NRCAM: variants seen among roughly 807,000 people sequenced by gnomAD.
NRCAM encodes the protein NgCAM-related cell adhesion molecule.
Under a neutral mutation model 156.5 loss-of-function variants are expected in NRCAM, and 83 were observed. The ratio of observed to expected loss-of-function variants is 0.53; its 90% CI spans 0.44 to 0.64. The LOEUF (loss-of-function observed/expected upper bound fraction) is 0.64, where lower values mean the gene tolerates loss of function less well. NRCAM is among the 30% of genes least tolerant of loss of function. The probability of loss-of-function intolerance (pLI) is 0.00; values close to 1 mark genes in which losing one functional copy is unlikely to be tolerated. For missense variants in NRCAM, 1,417 were observed against 1,597.3 expected, an observed-to-expected ratio of 0.89 and a Z score of 1.92; for synonymous variants, 538 against 563.9, an observed-to-expected ratio of 0.95 and a Z score of 0.65.
In NRCAM at chr7:108,195,864, G is replaced by A; in HGVS notation, c.1360C>T (p.Pro454Ser). 6.2e-7 allele frequency: 1 copy of A among 1,603,608 alleles called. No homozygotes were observed. Among genetic ancestry groups the A allele is most frequent in the Non-Finnish European group, 8.5e-7 (1 of 1,170,774 alleles). Residue 454 changes from proline (P) to serine (S), a missense_variant, in exon 15 of 33, where the codon CCA becomes TCA. Coordinates refer to ENST00000379028, the MANE Select transcript of NRCAM (RefSeq NM_001037132.4). The part of the protein sequence containing the change: ...NAFVNVLAEP[P>S]RILTPANTLY... ...GTGTTTGCAGGTGTGAGGATTCGTG[G>A]TGGCTCAGCTACAAATATTTTTAAA...
chr7:108,391,410 TG>T (rs1397395866), intron 2 of NRCAM, among the ~76,000 whole-genome samples: 2 of 152,170 alleles, frequency 1.3e-5, no homozygotes, highest in African/African-American at 2.4e-5. Context: ...GCTTTTTTTT[TG>T]TTTTCCATTT....
chr7:108,323,987 G>A (rs1326674425), intron 2 of NRCAM, among the ~76,000 whole-genome samples: 5 of 151,980 alleles, frequency 3.3e-5, no homozygotes, highest in Admixed American at 2.0e-4. Context: ...ACAGCAAGGC[G>A]GCCAGGTGGC....
At chr7:108,223,241 G>T (rs1484141939) in intron 11 of NRCAM, among the ~76,000 whole-genome samples, 1 of 152,144 alleles carries the variant, frequency 6.6e-6, no homozygotes, top group Non-Finnish European at 1.5e-5. Context: ...AGATACATGA[G>T]CATGCTTAAC....
At chr7:108,418,413 T>C (rs1305701602) in intron 1 of NRCAM, among the ~76,000 whole-genome samples, 1 of 152,070 alleles carries the variant, frequency 6.6e-6, no homozygotes, top group Non-Finnish European at 1.5e-5. Flanking sequence ...AGGACAAATG[T>C]TTTCCTGAAG....
intron 3 of NRCAM, among the ~76,000 whole-genome samples, chr7:108,256,671 G>A (rs761030407): frequency 3.3e-5 from 5 of 152,048 alleles, no homozygotes; most frequent in Admixed American, 1.3e-4. Flanking sequence ...TGAGTAAAAG[G>A]AGCCAGACCC....
At chr7:108,345,008 G>A (rs148135296) in intron 2 of NRCAM, among the ~76,000 whole-genome samples, 1 of 152,332 alleles carries the variant, frequency 6.6e-6, no homozygotes, top group East Asian at 1.9e-4. Flanking sequence ...AACTCAATCT[G>A]TGGAAGTTTT....
chr7:108,204,318 G>T (rs2079841124), intron 13 of NRCAM, among the ~76,000 whole-genome samples: 1 of 152,226 alleles, frequency 6.6e-6, no homozygotes, highest in African/African-American at 2.4e-5. Context: ...GAACTTAGCT[G>T]TTGAAGACTT....
intron 3 of NRCAM, among the ~76,000 whole-genome samples, chr7:108,267,877 G>C (rs2097167295): frequency 6.6e-6 from 1 of 152,278 alleles, no homozygotes; most frequent in South Asian, 2.1e-4. Flanking sequence ...CCCTAGGGCA[G>C]TTATATTCAT....
intron 2 of NRCAM, among the ~76,000 whole-genome samples, chr7:108,390,105 T>C (rs1344082955): frequency 6.6e-6 from 1 of 152,226 alleles, no homozygotes; most frequent in East Asian, 1.9e-4. Context: ...TTTCTATTGA[T>C]TGGAATAGTT....
intron 2 of NRCAM, among the ~76,000 whole-genome samples, chr7:108,364,958 G>T (rs555946503): frequency 2.0e-5 from 3 of 152,192 alleles, no homozygotes; most frequent in African/African-American, 7.2e-5. Flanking sequence ...AAGGTGAAAT[G>T]TATCATATGT....
intron 2 of NRCAM, among the ~76,000 whole-genome samples, chr7:108,348,329 G>A (rs1254410865): frequency 6.6e-6 from 1 of 152,110 alleles, no homozygotes; most frequent in Non-Finnish European, 1.5e-5. Flanking sequence ...GTAACAACAA[G>A]GTATGTTCAG....
At chr7:108,221,086 A>C (rs2092077216) in intron 11 of NRCAM, among the ~76,000 whole-genome samples, 1 of 152,234 alleles carries the variant, frequency 6.6e-6, no homozygotes, top group African/African-American at 2.4e-5. Context: ...TGGCCAACAA[A>C]CATGAAAAAA....
chr7:108,150,934 C>G (rs998855447), intron 32 of NRCAM, among the ~76,000 whole-genome samples: 5 of 152,072 alleles, frequency 3.3e-5, no homozygotes, highest in Non-Finnish European at 5.9e-5. Context: ...TGAATGACTC[C>G]AAACATGTAA....
At chr7:108,226,405 A>G (rs375877632) in intron 8 of NRCAM, 27 bp from the exon 9 acceptor site, 9 of 1,578,900 alleles carry the variant, frequency 5.7e-6, no homozygotes, top group Non-Finnish European at 6.1e-6. Context: ...AGATATCAAG[A>G]TTATTCCATC....
chr7:108,227,682 AAC>A (rs2093698033), intron 8 of NRCAM, among the ~76,000 whole-genome samples: 2 of 152,194 alleles, frequency 1.3e-5, no homozygotes, highest in Non-Finnish European at 2.9e-5. Context: ...ACAGAGCCTT[AAC>A]TGTGAGAGTT....
intron 5 of NRCAM, among the ~76,000 whole-genome samples, chr7:108,237,134 T>C (rs2095113893): frequency 6.6e-6 from 1 of 152,178 alleles, no homozygotes; most frequent in Admixed American, 6.6e-5. Flanking sequence ...AACTGACTAT[T>C]TTTAAACTAG....
intron 3 of NRCAM, among the ~76,000 whole-genome samples, chr7:108,243,644 T>C (rs1310072054): frequency 6.6e-6 from 1 of 152,148 alleles, no homozygotes; most frequent in Non-Finnish European, 1.5e-5. Context: ...CAAAAAATAT[T>C]TGCCAGATAT....
At chr7:108,160,263 G>T in intron 31 of NRCAM, 98 bp downstream of exon 31, 1 of 1,253,448 alleles carries the variant, frequency 8.0e-7, no homozygotes, top group Non-Finnish European at 1.1e-6. Flanking sequence ...GCTCTGGGAA[G>T]ACAAAATATT....
chr7:108,149,854 C>T lies in NRCAM; in HGVS notation c.*56G>A. On this transcript the variant is annotated 3_prime_UTR_variant, in exon 33 of 33. Coordinates refer to ENST00000379028, the MANE Select transcript of NRCAM (RefSeq NM_001037132.4). ...TTCATAGTATGAGAGGGCTGACAAA[C>T]AAGTGCTTAGGATAAACATTCTAGA... 7.0e-7 allele frequency: 1 copy of T among 1,423,312 alleles called. No homozygotes were observed. The highest frequency in any genetic ancestry group is 9.7e-7 in the Non-Finnish European group (1 of 1,032,092). 88.2% of individuals were successfully genotyped at this position (1,423,312 alleles called of 1,614,324 possible).
Sources: gnomAD v4.1 joint callset for allele counts (sites outside exome capture counted in the v4.1 genomes callset) on GRCh38, gnomAD v4.1.1 for gene constraint, MANE v1.5 for transcripts, NCBI Gene and HGNC (gene_info 2026-07-23, HGNC 2026-07-21) for gene names.